ATF2: variants seen among roughly 807,000 people sequenced by gnomAD.
ATF2 encodes activating transcription factor 2, also known as cyclic AMP-dependent transcription factor ATF-2.
A neutral mutation model predicts 60.6 loss-of-function variants in ATF2; 24 were observed. That is an observed-to-expected ratio of 0.40 (90% CI 0.29 to 0.56). ATF2 has a LOEUF of 0.56. Among genes scored for constraint, ATF2 ranks in the 20% least tolerant of loss-of-function variants. The probability of loss-of-function intolerance (pLI) is 0.54; values close to 1 mark genes in which losing one functional copy is unlikely to be tolerated. For synonymous variants in ATF2, 206 were observed against 215.4 expected, an observed-to-expected ratio of 0.96 and a Z score of 0.38; for missense variants, 433 against 607.7, an observed-to-expected ratio of 0.71 and a Z score of 3.02.
intron 1 of ATF2, among the ~76,000 whole-genome samples, chr2:175,153,538 T>G: frequency 6.6e-6 from 1 of 152,154 alleles, no homozygotes; most frequent in Non-Finnish European, 1.5e-5. Flanking sequence ...CAAAAGATTT[T>G]AGGCTGGGTG....
chr2:175,149,395 T>G (rs991589755), intron 2 of ATF2, among the ~76,000 whole-genome samples: 1 of 152,222 alleles, frequency 6.6e-6, no homozygotes, highest in Non-Finnish European at 1.5e-5. Context: ...AGAAAAAGTT[T>G]GTCTAACTCT....
At chr2:175,153,465 C>A (rs937588619) in intron 1 of ATF2, among the ~76,000 whole-genome samples, 1 of 152,230 alleles carries the variant, frequency 6.6e-6, no homozygotes, top group Non-Finnish European at 1.5e-5. Context: ...AATACTGTTA[C>A]CATTTGTAAG....
In ATF2 at chr2:175,107,740, A is replaced by AT. The variant is rs1027459795; in HGVS notation, c.828+3827dup. On this transcript the variant is annotated intron_variant, in intron 10 of 13. Transcript: ENST00000264110. ...GCCGCCACGCCTGACTGGTTTTCGT[A>AT]TTTTTTTTGGTGGAGACGGGGTTTC... Among the ~76,000 whole-genome samples, 151 of 151,570 alleles carry AT rather than the reference A, an allele frequency of 1.0e-3. 1 individual carries two copies. The South Asian group carries it at 0.011, about 11-fold the overall frequency.
intron 1 of ATF2, among the ~76,000 whole-genome samples, chr2:175,165,146 C>A (rs779533837): frequency 2.6e-5 from 4 of 151,986 alleles, no homozygotes; most frequent in African/African-American, 4.8e-5. Context: ...TTTTAGGGTA[C>A]ATTTTAATTA....
intron 8 of ATF2, 190 bp downstream of exon 8, chr2:175,114,500 A>AT: frequency 7.7e-7 from 1 of 1,302,536 alleles, no homozygotes; most frequent in Non-Finnish European, 9.8e-7. Flanking sequence ...TTTTAGTTGT[A>AT]TTTATCTCCC....
intron 4 of ATF2, among the ~76,000 whole-genome samples, chr2:175,124,260 C>T (rs901065246): frequency 4.8e-5 from 7 of 146,052 alleles, no homozygotes; most frequent in Non-Finnish European, 1.1e-4. Flanking sequence ...GAGTATATAG[C>T]TCAATAAACA....
rs1696711663 is a variant in ATF2, at chr2:175,118,141, A to T, written c.319-23T>A. 5 of 1,604,782 alleles carry T rather than the reference A, an allele frequency of 3.1e-6. No homozygotes were observed. In the East Asian group the frequency reaches 1.1e-4, roughly 36 times the overall value. ...CATCTATAATTCAAATAATAAGGAAAAGGTTATAAGTTCAAAAACAGTGTG... is the reference window on the plus strand; with the variant it reads ...CATCTATAATTCAAATAATAAGGAATAGGTTATAAGTTCAAAAACAGTGTG... On this transcript the variant is annotated intron_variant, in intron 6 of 13. Transcript: ENST00000264110.
intron 10 of ATF2, among the ~76,000 whole-genome samples, chr2:175,098,911 C>T (rs751220960): frequency 1.2e-4 from 19 of 152,028 alleles, no homozygotes; most frequent in Non-Finnish European, 2.1e-4. Context: ...AAAAGATCAC[C>T]GGAATTTCAA....
At chr2:175,130,543 T>C (rs1042869084) in intron 3 of ATF2, among the ~76,000 whole-genome samples, 2 of 152,094 alleles carry the variant, frequency 1.3e-5, no homozygotes, top group Admixed American at 1.3e-4. Context: ...CTTCCAAGGA[T>C]CCTACTGTAC....
At chr2:175,111,547 A>G in intron 10 of ATF2, 21 bp downstream of exon 10, 1 of 1,592,384 alleles carries the variant, frequency 6.3e-7, no homozygotes, top group East Asian at 2.2e-5. Flanking sequence ...CAATGTACAG[A>G]ACAAATAAAA....
intron 2 of ATF2, among the ~76,000 whole-genome samples, chr2:175,148,806 A>G (rs1212098082): frequency 6.6e-6 from 1 of 152,144 alleles, no homozygotes; most frequent in African/African-American, 2.4e-5. Context: ...ACCAACTGCC[A>G]ATCAGAAAAT....
chr2:175,165,309 CATTTT>C (rs1700279697), intron 1 of ATF2, among the ~76,000 whole-genome samples: 1 of 152,094 alleles, frequency 6.6e-6, no homozygotes, highest in Non-Finnish European at 1.5e-5. Flanking sequence ...TCTCCAATGA[CATTTT>C]AGTAAGAATA....
At chr2:175,134,647 T>G (rs1489529430) in intron 3 of ATF2, among the ~76,000 whole-genome samples, 5 of 152,080 alleles carry the variant, frequency 3.3e-5, no homozygotes, top group African/African-American at 1.2e-4. Flanking sequence ...GGAAAAGTCT[T>G]TTATAGAATT....
intron 13 of ATF2, among the ~76,000 whole-genome samples, chr2:175,078,990 AAAC>A (rs1693567405): frequency 6.6e-6 from 1 of 152,284 alleles, no homozygotes; most frequent in East Asian, 1.9e-4. Flanking sequence ...GATTATTTCC[AAAC>A]AACAAACATA....
intron 1 of ATF2, among the ~76,000 whole-genome samples, chr2:175,153,649 G>A (rs1162607578): frequency 6.6e-6 from 1 of 151,942 alleles, no homozygotes; most frequent in East Asian, 1.9e-4. Flanking sequence ...CCAATATGGT[G>A]AAACCCCCGT....
rs1464795606 is a variant in ATF2 at position 175,087,017 on chromosome 2, C to T, written c.1185+6044G>A. Among the ~76,000 whole-genome samples the T allele has an allele frequency of 2.6e-5, 4 of 151,528 alleles. No individual in the cohort carries two copies. The East Asian group carries it at 7.7e-4, about 29-fold the overall frequency. On this transcript the variant is annotated intron_variant, in intron 12 of 13. Transcript: ENST00000264110. ...CACACACAAAACCAGTCTGCTTAAG[C>T]CAAAATAAATATCAAGGGGATGTTC...
intron 1 of ATF2, among the ~76,000 whole-genome samples, chr2:175,162,081 A>C (rs946559759): frequency 6.6e-6 from 1 of 152,186 alleles, no homozygotes; most frequent in Non-Finnish European, 1.5e-5. Context: ...CTCTTAAACT[A>C]GCATTAAAAT....
chr2:175,118,545 T>C (rs1257075576), intron 5 of ATF2, among the ~76,000 whole-genome samples, 176 bp from the exon 6 acceptor site: 1 of 151,796 alleles, frequency 6.6e-6, no homozygotes, highest in Non-Finnish European at 1.5e-5. Context: ...GTACTTCGTA[T>C]TTCCTCCAAC....
At chr2:175,154,001 C>T (rs978114798) in intron 1 of ATF2, among the ~76,000 whole-genome samples, 1 of 151,676 alleles carries the variant, frequency 6.6e-6, no homozygotes, top group Non-Finnish European at 1.5e-5. Context: ...GGGCGGATCA[C>T]CTGAGGTCAG....
Sources: allele counts gnomAD v4.1 joint callset (sites outside exome capture counted in the v4.1 genomes callset), GRCh38; gene constraint gnomAD v4.1.1; transcripts MANE v1.5; gene names NCBI Gene and HGNC (gene_info 2026-07-23, HGNC 2026-07-21).